CSMD1: variants seen among roughly 807,000 people sequenced by gnomAD.
The protein encoded by CSMD1 is CUB and sushi domain-containing protein 1.
Under a neutral mutation model 417.5 loss-of-function variants are expected in CSMD1, and 213 were observed. The ratio of observed to expected loss-of-function variants is 0.51; its 90% CI spans 0.46 to 0.57. The LOEUF (loss-of-function observed/expected upper bound fraction) is 0.57. CSMD1 is among the 20% of genes least tolerant of loss of function. The pLI, the probability that CSMD1 is intolerant of heterozygous loss-of-function variation, is 0.00. For missense variants in CSMD1, 6,923 were observed against 4,529.7 expected (o/e 1.53, Z -15.17); for synonymous variants, 2,862 against 1,736.8 (o/e 1.65, Z -16.11).
intron 7 of CSMD1, among the ~76,000 whole-genome samples, chr8:3,633,839 A>C (rs1347587241): frequency 1.3e-5 from 2 of 152,210 alleles, no homozygotes. Context: ...GAAGTGTTAA[A>C]TATCAGGCTG....
chr8:4,150,374 G>A (rs1186760123), intron 3 of CSMD1, among the ~76,000 whole-genome samples: 1 of 152,122 alleles, frequency 6.6e-6, no homozygotes, highest in Non-Finnish European at 1.5e-5. Context: ...GCTGTCTTTT[G>A]TGCCTGGCTA....
Position 3,832,246 on chromosome 8 carries a change from G to A in CSMD1, c.819-78204C>T, listed in dbSNP as rs553723289. Among the ~76,000 whole-genome samples the A allele has an allele frequency of 5.5e-4, 84 of 152,248 alleles. 2 individuals are homozygous for A. In the South Asian group the frequency reaches 0.015, roughly 27 times the overall value. ...CCAGACCTGGTACCTGAAGTCCTGCGCTTCCCTGCCTGATTTCCCTTATTC... is the reference window on the plus strand; with the variant it reads ...CCAGACCTGGTACCTGAAGTCCTGCACTTCCCTGCCTGATTTCCCTTATTC... On this transcript the variant is annotated intron_variant, in intron 5 of 69. Coordinates refer to ENST00000635120, the MANE Select transcript of CSMD1 (RefSeq NM_033225.6).
intron 1 of CSMD1, among the ~76,000 whole-genome samples, chr8:4,720,685 G>C (rs943812077): frequency 6.6e-6 from 1 of 152,122 alleles, no homozygotes; most frequent in East Asian, 1.9e-4. Context: ...GCTTCCCAAA[G>C]AGCTGGGATT....
intron 6 of CSMD1, among the ~76,000 whole-genome samples, chr8:3,743,428 AAAT>A (rs1474826747): frequency 2.0e-5 from 3 of 152,228 alleles, no homozygotes; most frequent in Non-Finnish European, 2.9e-5. Flanking sequence ...TGGTGTTAGA[AAAT>A]AATAAGTATT....
intron 9 of CSMD1, among the ~76,000 whole-genome samples, chr8:3,584,834 C>T (rs760025357): frequency 1.3e-5 from 2 of 152,080 alleles, no homozygotes; most frequent in Non-Finnish European, 2.9e-5. Flanking sequence ...ACTCGTTCCT[C>T]CTGTATAATT....
rs531494140 is a variant in CSMD1, at chr8:4,159,397, G to A, written c.416-127298C>T. On this transcript the variant is annotated intron_variant, in intron 3 of 69. Coordinates refer to ENST00000635120, the MANE Select transcript of CSMD1 (RefSeq NM_033225.6). ...CCCACTATGTGATATCTACCGAGGGGAAAAGAAGTCATTATATGAAAAAGG... is the reference window on the plus strand; with the variant it reads ...CCCACTATGTGATATCTACCGAGGGAAAAAGAAGTCATTATATGAAAAAGG... 2.1e-4 allele frequency among the ~76,000 whole-genome samples: 32 copies of A among 152,240 alleles called. No homozygotes were observed. In the South Asian group the frequency reaches 4.6e-3, roughly 22 times the overall value.
At chr8:4,903,013 A>ATT (rs1563721234) in intron 1 of CSMD1, among the ~76,000 whole-genome samples, 862 of 6,368 alleles carry the variant, frequency 0.14, 12 homozygotes, top group African/African-American at 0.2. Context: ...TATTAATAAT[A>ATT]AATAAATAAA....
intron 3 of CSMD1, among the ~76,000 whole-genome samples, chr8:4,051,929 T>C: frequency 6.6e-6 from 1 of 151,340 alleles, no homozygotes; most frequent in Non-Finnish European, 1.5e-5. Flanking sequence ...TCTTTTTCTT[T>C]CTTTCTTTCT....
chr8:4,795,060 C>T (rs1056334852), intron 1 of CSMD1, among the ~76,000 whole-genome samples: 2 of 151,818 alleles, frequency 1.3e-5, no homozygotes, highest in South Asian at 2.1e-4. Flanking sequence ...TAAGTTTCTG[C>T]TGTCTTTAAT....
At chr8:4,281,446 G>A (rs760140405) in intron 3 of CSMD1, among the ~76,000 whole-genome samples, 17 of 152,186 alleles carry the variant, frequency 1.1e-4, no homozygotes, top group South Asian at 6.2e-4. Flanking sequence ...ACTTCAGAAG[G>A]AAACAATTTG....
At chr8:4,920,365 G>T (rs1216119802) in intron 1 of CSMD1, among the ~76,000 whole-genome samples, 1 of 152,124 alleles carries the variant, frequency 6.6e-6, no homozygotes, top group East Asian at 1.9e-4. Context: ...TATTTAGAGA[G>T]AAAATGCATA....
intron 5 of CSMD1, among the ~76,000 whole-genome samples, chr8:3,796,909 C>A (rs1026462515): frequency 6.6e-6 from 1 of 151,624 alleles, no homozygotes; most frequent in African/African-American, 2.4e-5. Flanking sequence ...CCTAACAACT[C>A]ATTATAGCCT....
At chr8:4,948,297 G>A (rs970612806) in intron 1 of CSMD1, among the ~76,000 whole-genome samples, 14 of 151,880 alleles carry the variant, frequency 9.2e-5, no homozygotes, top group Middle Eastern at 3.2e-3. Context: ...ATAATGTTAG[G>A]TATAGTTGTT....
At chr8:3,444,016 C>T (rs773950401) in intron 12 of CSMD1, among the ~76,000 whole-genome samples, 3 of 152,074 alleles carry the variant, frequency 2.0e-5, no homozygotes, top group Non-Finnish European at 2.9e-5. Flanking sequence ...AAAAACCTTG[C>T]AGTGCTGAAT....
chr8:4,094,949 G>C (rs534520161), intron 3 of CSMD1, among the ~76,000 whole-genome samples: 7 of 152,302 alleles, frequency 4.6e-5, no homozygotes, highest in African/African-American at 1.7e-4. Flanking sequence ...ACTGGGAATG[G>C]GGAGATAGTG....
At chr8:3,788,077 T>C (rs963084822) in intron 5 of CSMD1, among the ~76,000 whole-genome samples, 19 of 152,132 alleles carry the variant, frequency 1.2e-4, no homozygotes, top group African/African-American at 4.6e-4. Flanking sequence ...ATCCAGTGAG[T>C]GTTCTTTGGG....
chr8:3,918,307 T>C (rs141607054), intron 5 of CSMD1, among the ~76,000 whole-genome samples: 59 of 152,102 alleles, frequency 3.9e-4, no homozygotes, highest in African/African-American at 1.4e-3. Flanking sequence ...TGAGCCAATT[T>C]ACATTCCTAC....
intron 5 of CSMD1, among the ~76,000 whole-genome samples, chr8:3,846,833 C>G (rs1346337645): frequency 6.6e-6 from 1 of 152,086 alleles, no homozygotes; most frequent in Non-Finnish European, 1.5e-5. Context: ...GCCACCACGT[C>G]TGGCTAATTT....
rs564567471 is a variant in CSMD1 at position 4,014,359 on chromosome 8, T to G, written c.611-16249A>C. ...TAGAGAGAAAATAATCTGTAAAATATTGAGAATCAAATTATGTCAATGCAC... is the reference window on the plus strand; with the variant it reads ...TAGAGAGAAAATAATCTGTAAAATAGTGAGAATCAAATTATGTCAATGCAC... On this transcript the variant is annotated intron_variant, in intron 4 of 69. Transcript: ENST00000635120. Among the ~76,000 whole-genome samples the G allele has an allele frequency of 3.3e-5, 5 of 152,192 alleles. 2 individuals carry two copies. The highest frequency in any genetic ancestry group is 3.3e-4 in the Admixed American group (5 of 15,282).
Sources: allele counts gnomAD v4.1 joint callset (sites outside exome capture counted in the v4.1 genomes callset), GRCh38; gene constraint gnomAD v4.1.1; transcripts MANE v1.5; gene names NCBI Gene and HGNC (gene_info 2026-07-23, HGNC 2026-07-21).